ZFYVE28: variants seen among roughly 807,000 people sequenced by gnomAD.
The protein encoded by ZFYVE28 is lateral signaling target protein 2 homolog.
In ZFYVE28, 40 loss-of-function variants were observed where a neutral mutation model predicts 82.1. That is an observed-to-expected ratio of 0.49 (90% CI 0.38 to 0.63). The LOEUF is 0.63. Ranked by LOEUF, ZFYVE28 falls within the 30% of genes least tolerant of loss-of-function variation. The pLI is 0.00. For synonymous variants in ZFYVE28, 612 were observed against 546.1 expected (o/e 1.12, Z -1.68); for missense variants, 1,321 against 1,242.1 (o/e 1.06, Z -0.96).
rs190665652 is a variant in ZFYVE28, at chr4:2,392,875, T to G, written c.39+25410A>C. Among the ~76,000 whole-genome samples the G allele has an allele frequency of 8.0e-3, 1,212 of 152,304 alleles. 28 individuals are homozygous for G. The highest frequency in any genetic ancestry group is 0.027 in the African/African-American group (1,126 of 41,554). ...CCTGTGAGTTTAATGAGAATCGCAC[T>G]TCACACACCTCAGCTGTAAGGAATT... On this transcript the variant is annotated intron_variant, in intron 1 of 12. Transcript: ENST00000290974.
intron 8 of ZFYVE28, among the ~76,000 whole-genome samples, chr4:2,280,169 G>A (rs1399701321): frequency 6.6e-6 from 1 of 152,192 alleles, no homozygotes; most frequent in African/African-American, 2.4e-5. Context: ...CAGAAGGATG[G>A]TCCACTGGAA....
chr4:2,376,986 A>T (rs1028200767), intron 1 of ZFYVE28, among the ~76,000 whole-genome samples: 1 of 152,004 alleles, frequency 6.6e-6, no homozygotes, highest in Non-Finnish European at 1.5e-5. Context: ...AAGCTCTCAC[A>T]TCCTATTTCT....
At chr4:2,315,222 T>C (rs1316168153) in intron 7 of ZFYVE28, among the ~76,000 whole-genome samples, 1 of 152,260 alleles carries the variant, frequency 6.6e-6, no homozygotes, top group Non-Finnish European at 1.5e-5. Context: ...ACCTTCATTT[T>C]TGAAGGATAT....
chr4:2,336,869 A>G (rs1721849731), intron 5 of ZFYVE28, among the ~76,000 whole-genome samples: 1 of 107,176 alleles, frequency 9.3e-6, no homozygotes, highest in Admixed American at 1.1e-4. Context: ...GTGAGGAGGG[A>G]GGAGGTGAAG....
At chr4:2,399,203 G>C (rs181792420) in intron 1 of ZFYVE28, among the ~76,000 whole-genome samples, 83 of 150,298 alleles carry the variant, frequency 5.5e-4, no homozygotes, top group African/African-American at 1.8e-3. Context: ...CCAGTGCACA[G>C]AGTGGGGTGA....
At chr4:2,385,956 G>A (rs780861876) in intron 1 of ZFYVE28, among the ~76,000 whole-genome samples, 15 of 152,270 alleles carry the variant, frequency 9.9e-5, no homozygotes, top group South Asian at 2.1e-4. Context: ...GCACTGCACC[G>A]GGCTCGCTCT....
At chr4:2,274,035 C>T (rs1736166546) in intron 9 of ZFYVE28, 27 bp downstream of exon 9, 1 of 1,611,504 alleles carries the variant, frequency 6.2e-7, no homozygotes, top group Non-Finnish European at 8.5e-7. Context: ...TCAAGCCATG[C>T]ACCGGTCTCA....
At chr4:2,317,236 C>G (rs1718361415) in intron 7 of ZFYVE28, among the ~76,000 whole-genome samples, 1 of 152,156 alleles carries the variant, frequency 6.6e-6, no homozygotes, top group African/African-American at 2.4e-5. Flanking sequence ...GATCCGCCCA[C>G]CTTGGCCTCC....
chr4:2,395,844 C>A (rs1420827072), intron 1 of ZFYVE28, among the ~76,000 whole-genome samples: 1 of 152,154 alleles, frequency 6.6e-6, no homozygotes, highest in Non-Finnish European at 1.5e-5. Flanking sequence ...CAGATTAGGG[C>A]TGGGCTCTTT....
rs1727618439 is a variant in ZFYVE28, at chr4:2,372,063, GC to G, written c.40-17991del. Among the ~76,000 whole-genome samples the G allele has an allele frequency of 6.6e-6, 1 of 152,212 alleles. No individual in the cohort carries two copies. The highest frequency in any genetic ancestry group is 1.5e-5 in the Non-Finnish European group (1 of 68,034). ...CGAGCCTCAGGTCAGCCCAGTGGAAGCCTGGAGGGGCGTGCAGCGTGTGGCC... is the reference window on the plus strand; with the variant it reads ...CGAGCCTCAGGTCAGCCCAGTGGAAGCTGGAGGGGCGTGCAGCGTGTGGCC... On this transcript the variant is annotated intron_variant, in intron 1 of 12. Coordinates refer to ENST00000290974, the MANE Select transcript of ZFYVE28 (RefSeq NM_020972.3). The surrounding 1 kb of genome is among the most constrained non-coding windows in gnomAD (Gnocchi z 5.2).
intron 8 of ZFYVE28, among the ~76,000 whole-genome samples, chr4:2,290,393 G>A (rs929442238): frequency 3.3e-5 from 5 of 152,334 alleles, no homozygotes; most frequent in East Asian, 1.9e-4. Flanking sequence ...GAGACAGGCA[G>A]GTTGCAGGCC....
Position 2,341,238 on chromosome 4 carries a change from C to T in ZFYVE28, c.318+240G>A. The T allele has an allele frequency of 3.4e-6, 2 of 594,660 alleles. No homozygotes were observed. Among genetic ancestry groups the T allele is most frequent in the South Asian group, 4.2e-5 (2 of 47,684 alleles). 36.8% of individuals were successfully genotyped at this position (594,660 alleles called of 1,614,324 possible). On this transcript the variant is annotated intron_variant, in intron 3 of 12. Transcript: ENST00000290974. This position sits in a 1 kb window ranked among gnomAD's most constrained non-coding sequence, Gnocchi z 4.5. ...GGGGGCCTGTGAACCTCATAAAAAC[C>T]ACATGGGAAATTTCATTTGTATGTA...
chr4:2,275,216 C>T (rs917205179), intron 8 of ZFYVE28, among the ~76,000 whole-genome samples: 10 of 152,192 alleles, frequency 6.6e-5, no homozygotes, highest in East Asian at 5.8e-4. Context: ...CCAGCAGCTG[C>T]GTCCTCAGCT....
chr4:2,311,183 T>G (rs1717420310), intron 7 of ZFYVE28, among the ~76,000 whole-genome samples: 1 of 152,210 alleles, frequency 6.6e-6, no homozygotes, highest in South Asian at 2.1e-4. Flanking sequence ...TTTTTTCTCT[T>G]GAACTAGTCC....
At chr4:2,291,650 G>A (rs1173405464) in intron 8 of ZFYVE28, among the ~76,000 whole-genome samples, 1 of 152,184 alleles carries the variant, frequency 6.6e-6, no homozygotes, top group Admixed American at 6.5e-5. Context: ...AGGAGAGCGG[G>A]AACTGAGAGC....
intron 1 of ZFYVE28, among the ~76,000 whole-genome samples, chr4:2,366,717 G>A (rs1384151564): frequency 6.6e-6 from 1 of 152,210 alleles, no homozygotes; most frequent in African/African-American, 2.4e-5. Context: ...AGTCTCTGAT[G>A]TGGAAACAGA....
At chr4:2,342,399 T>C (rs1185696526) in intron 2 of ZFYVE28, among the ~76,000 whole-genome samples, 1 of 152,030 alleles carries the variant, frequency 6.6e-6, no homozygotes, top group Non-Finnish European at 1.5e-5. Flanking sequence ...TTCTGGCTTT[T>C]TGTTTATTTT....
Position 2,362,429 on chromosome 4 carries a change from C to T in ZFYVE28, c.40-8356G>A, listed in dbSNP as rs1164149337. On this transcript the variant is annotated intron_variant, in intron 1 of 12. Coordinates refer to ENST00000290974, the MANE Select transcript of ZFYVE28 (RefSeq NM_020972.3). The surrounding 1 kb of genome is among the most constrained non-coding windows in gnomAD (Gnocchi z 5.1). Reference sequence around the variant, plus strand: ...GTTCCTCAGCCCTCACCATGACCAACTAATGGCCGAGCAAGCCCCTCCACC... The same window carrying T: ...GTTCCTCAGCCCTCACCATGACCAATTAATGGCCGAGCAAGCCCCTCCACC... Among the ~76,000 whole-genome samples, 2 of 152,168 alleles carry T rather than the reference C, an allele frequency of 1.3e-5. No individual in the cohort carries two copies. The highest frequency in any genetic ancestry group is 6.5e-5 in the Admixed American group (1 of 15,286).
chr4:2,375,635 G>A (rs777635365), intron 1 of ZFYVE28, among the ~76,000 whole-genome samples: 1 of 117,028 alleles, frequency 8.5e-6, no homozygotes, highest in Non-Finnish European at 1.8e-5. Flanking sequence ...CAGGAGGAGA[G>A]GAAACGACGT....
Sources: gnomAD v4.1 joint callset for allele counts (sites outside exome capture counted in the v4.1 genomes callset) on GRCh38, gnomAD v4.1.1 for gene constraint, Gnocchi (gnomAD v3.1) non-coding constraint, MANE v1.5 for transcripts, NCBI Gene and HGNC (gene_info 2026-07-23, HGNC 2026-07-21) for gene names.